Variants in SPEF2 observed in about 807,000 individuals in gnomAD.
SPEF2 encodes sperm flagellar and cilia associated 2.
A neutral mutation model predicts 224.6 loss-of-function variants in SPEF2; 187 were observed. The observed-to-expected ratio is 0.83, with a 90% CI of 0.74 to 0.94. The LOEUF (loss-of-function observed/expected upper bound fraction) is 0.94, where lower values mean the gene tolerates loss of function less well. Among genes scored for constraint, SPEF2 ranks in the 40% least tolerant of loss-of-function variants. The pLI is 0.00. For missense variants in SPEF2, 2,170 were observed against 2,135.6 expected (o/e 1.02, Z -0.32); for synonymous variants, 715 against 707.3 (o/e 1.01, Z -0.17).
chr5:35,707,213 A>T (rs757336241), intron 18 of SPEF2, among the ~76,000 whole-genome samples: 13 of 152,242 alleles, frequency 8.5e-5, no homozygotes, highest in Non-Finnish European at 1.9e-4. Context: ...TATACTGTTA[A>T]GTAGGGAAAA....
chr5:35,702,879 C>T (rs7719314), intron 16 of SPEF2, among the ~76,000 whole-genome samples: 81,428 of 151,740 alleles, frequency 0.54, 22,269 homozygotes, highest in African/African-American at 0.56. Flanking sequence ...CCTATAAGTA[C>T]TACAGAGAAG....
At chr5:35,704,002 A>T (rs896726662) in intron 16 of SPEF2, among the ~76,000 whole-genome samples, 1 of 152,128 alleles carries the variant, frequency 6.6e-6, no homozygotes, top group African/African-American at 2.4e-5. Flanking sequence ...TGGACTTTGT[A>T]CCATTAATCC....
At chr5:35,777,622 A>T (rs1263416307) in intron 29 of SPEF2, among the ~76,000 whole-genome samples, 1 of 151,946 alleles carries the variant, frequency 6.6e-6, no homozygotes, top group Non-Finnish European at 1.5e-5. Flanking sequence ...AGATGCTGTC[A>T]TGAACTGTGG....
chr5:35,774,841 C>A (rs1372365845), intron 28 of SPEF2, among the ~76,000 whole-genome samples: 1 of 152,094 alleles, frequency 6.6e-6, no homozygotes, highest in Non-Finnish European at 1.5e-5. Flanking sequence ...TTCTAAAACC[C>A]CAACAATAAA....
intron 6 of SPEF2, among the ~76,000 whole-genome samples, chr5:35,653,966 A>T (rs1461497346): frequency 8.1e-6 from 1 of 124,122 alleles, no homozygotes. Context: ...AAAAAAAAAA[A>T]GTAAAATAAC....
chr5:35,620,798 T>C lies in SPEF2; in HGVS notation c.58+2743T>C, dbSNP rs558850085. Among the ~76,000 whole-genome samples, 4 of 152,352 alleles carry C rather than the reference T, an allele frequency of 2.6e-5. No individual in the cohort carries two copies. In the East Asian group the frequency reaches 5.8e-4, roughly 22 times the overall value. ...AAGTTAGAGCTTATTGTGACTAGTA[T>C]AATTATATATTTGTACCAATTAGGA... On this transcript the variant is annotated intron_variant, in intron 1 of 36. Transcript: ENST00000356031.
chr5:35,702,347 G>T (rs1276107505), intron 16 of SPEF2: 4 of 455,902 alleles, frequency 8.8e-6, no homozygotes, highest in Non-Finnish European at 1.8e-5. Flanking sequence ...AAAGCCAATG[G>T]GCAGGAGACT....
intron 1 of SPEF2, among the ~76,000 whole-genome samples, chr5:35,619,924 T>C (rs900396947): frequency 2.6e-5 from 4 of 152,142 alleles, no homozygotes; most frequent in African/African-American, 9.7e-5. Context: ...ATTTAGGCTA[T>C]GGATAGAAAA....
intron 32 of SPEF2, 50 bp downstream of exon 32, chr5:35,793,391 T>C (rs2149835393): frequency 6.4e-7 from 1 of 1,556,398 alleles, no homozygotes; most frequent in Non-Finnish European, 8.7e-7. Context: ...ACTTGTGACC[T>C]AAGAAGTGAA....
chr5:35,680,614 G>A (rs1752655964), intron 10 of SPEF2, among the ~76,000 whole-genome samples: 1 of 152,152 alleles, frequency 6.6e-6, no homozygotes, highest in Non-Finnish European at 1.5e-5. Flanking sequence ...TCACAGTTTA[G>A]TAGGGATGAG....
intron 25 of SPEF2, 64 bp from the exon 26 acceptor site, chr5:35,763,458 G>T: frequency 7.0e-7 from 1 of 1,420,970 alleles, no homozygotes. Context: ...AAGTAACATG[G>T]TCACAAAAAC....
Position 35,691,218 on chromosome 5 carries a change from T to A in SPEF2, c.1706T>A (p.Leu569Ter). ...AAAGGATGCTTATTGGGGAAAACAT[T>A]AAGTGGAAAAACTACCATTTTAAGG... Reference protein sequence around the residue: ...AVKGCLLGKTLSGKTTILRSL... With the variant: ...AVKGCLLGKT The change falls in exon 11 of 37, where the codon TTA (leucine) becomes TAA (stop). Residue 569 changes from leucine (L) to a stop codon, truncating the protein, a stop_gained. Coordinates refer to ENST00000356031, the MANE Select transcript of SPEF2 (RefSeq NM_024867.4). LOFTEE classifies it high-confidence loss of function. 6.2e-7 allele frequency: 1 copy of A among 1,613,990 alleles called. No individual in the cohort carries two copies. The highest frequency in any genetic ancestry group is 8.5e-7 in the Non-Finnish European group (1 of 1,179,940).
chr5:35,806,619 G>A, intron 34 of SPEF2, 88 bp from the exon 35 acceptor site: 2 of 1,483,206 alleles, frequency 1.3e-6, no homozygotes, highest in Non-Finnish European at 1.8e-6. Flanking sequence ...TGAAAAGTGT[G>A]TGATTATGAA....
intron 30 of SPEF2, chr5:35,789,902 T>C (rs1561369326): frequency 4.3e-6 from 3 of 702,872 alleles, no homozygotes; most frequent in Non-Finnish European, 2.6e-6. Context: ...ATGGAGCATG[T>C]TGAAATTAGA....
rs937211169 is a variant in SPEF2, at chr5:35,617,895, A to G, written c.-103A>G. On this transcript the variant is annotated 5_prime_UTR_variant, in exon 1 of 37. Coordinates refer to ENST00000356031, the MANE Select transcript of SPEF2 (RefSeq NM_024867.4). Reference sequence around the variant, plus strand: ...CTAGTTCCAGCCTGGATACGCTTCCATAGCAAAGGGTTGCCCTTGGCTACA... The same window carrying G: ...CTAGTTCCAGCCTGGATACGCTTCCGTAGCAAAGGGTTGCCCTTGGCTACA... 11 of 1,129,896 alleles carry G rather than the reference A, an allele frequency of 9.7e-6. No individual in the cohort carries two copies. The African/African-American group carries it at 1.4e-4, about 14-fold the overall frequency. 70.0% of individuals were successfully genotyped at this position (1,129,896 alleles called of 1,614,324 possible).
chr5:35,717,437 G>A (rs942143200), intron 20 of SPEF2, among the ~76,000 whole-genome samples: 2 of 152,162 alleles, frequency 1.3e-5, no homozygotes, highest in Non-Finnish European at 2.9e-5. Flanking sequence ...TATTGTAGGT[G>A]CTACCAAGCC....
In SPEF2 at chr5:35,704,626, A is replaced by T. The variant is rs1739366985; in HGVS notation, c.2471A>T (p.Asp824Val). The change falls in exon 17 of 37, where the codon GAT becomes GTT. Residue 824 changes from aspartate to valine, a missense_variant. Coordinates refer to ENST00000356031, the MANE Select transcript of SPEF2 (RefSeq NM_024867.4). Reference sequence around the variant, plus strand: ...GTAGCTGCTGAAAACCAAGATAAGGATGGAGACCAAAATTTAAGAGACCAG... The same window carrying T: ...GTAGCTGCTGAAAACCAAGATAAGGTTGGAGACCAAAATTTAAGAGACCAG... ...QRVAAENQDK[D>V]GDQNLRDQIQ... The T allele has an allele frequency of 6.2e-7, 1 of 1,612,808 alleles. No homozygotes were observed. The highest frequency in any genetic ancestry group is 8.5e-7 in the Non-Finnish European group (1 of 1,179,140).
intron 3 of SPEF2, among the ~76,000 whole-genome samples, chr5:35,641,929 TTTG>T (rs892352847): frequency 6.6e-6 from 1 of 152,150 alleles, no homozygotes; most frequent in Admixed American, 6.6e-5. Flanking sequence ...TCCAGTACTT[TTTG>T]TTGTTGTTGT....
At chr5:35,697,925 GCA>G in intron 15 of SPEF2, 132 bp downstream of exon 15, 10 of 578,314 alleles carry the variant, frequency 1.7e-5, no homozygotes, top group Non-Finnish European at 2.3e-5. Flanking sequence ...AAAATATACA[GCA>G]ATGAAAAGGT....
Sources: gnomAD v4.1 joint callset for allele counts (sites outside exome capture counted in the v4.1 genomes callset) on GRCh38, gnomAD v4.1.1 for gene constraint, MANE v1.5 for transcripts, NCBI Gene and HGNC (gene_info 2026-07-23, HGNC 2026-07-21) for gene names.